Variants in SEZ6 observed in about 807,000 individuals in gnomAD.
SEZ6 encodes seizure related 6 homolog.
Under a neutral mutation model 101.0 loss-of-function variants are expected in SEZ6, and 53 were observed. That is an observed-to-expected ratio of 0.52 (90% CI 0.42 to 0.66). SEZ6 has a LOEUF of 0.66. Ranked by LOEUF, SEZ6 falls within the 30% of genes least tolerant of loss-of-function variation. The probability of loss-of-function intolerance (pLI) is 0.00; values close to 1 mark genes in which losing one functional copy is unlikely to be tolerated. For missense variants in SEZ6, 1,102 were observed against 1,289.4 expected (o/e 0.85, Z 2.23); for synonymous variants, 488 against 512.2 (o/e 0.95, Z 0.64).
At chr17:28,958,652 T>C (rs752744779) in intron 10 of SEZ6, among the ~76,000 whole-genome samples, 11 of 151,802 alleles carry the variant, frequency 7.2e-5, no homozygotes, top group African/African-American at 1.2e-4. Context: ...TAGCCAGGCG[T>C]GGTGGCATGT....
intron 10 of SEZ6, 139 bp from the exon 11 acceptor site, chr17:28,958,280 C>T (rs560280390): frequency 1.1e-4 from 100 of 943,004 alleles, no homozygotes; most frequent in Non-Finnish European, 1.4e-4. Flanking sequence ...TCCATTCCTC[C>T]CTGCTCAAGG....
At chr17:29,001,244 C>T (rs1037620814) in intron 1 of SEZ6, among the ~76,000 whole-genome samples, 2 of 152,228 alleles carry the variant, frequency 1.3e-5, no homozygotes, top group Non-Finnish European at 2.9e-5. Context: ...AACCAAGCAG[C>T]TGACCCTAAA....
rs369316261 is a variant in SEZ6, at chr17:28,969,901, C to T, written c.910G>A (p.Gly304Arg). The T allele has an allele frequency of 3.2e-6, 5 of 1,546,374 alleles. No homozygotes were observed. In the South Asian group the frequency reaches 3.7e-5, roughly 11 times the overall value. ...EGETVTVEGL[G>R]GPDPLPLANQ... The stretch of plus-strand genomic sequence containing the variant: ...GCCAGGGGCAGTGGGTCAGGCCCCC[C>T]CAGGCCTTCCACAGTCACTGTCTCC... The change falls in exon 4 of 17, where the codon GGG (glycine) becomes AGG (arginine). Residue 304 changes from glycine (G) to arginine (R), a missense_variant. Gly to Arg is a moderately radical substitution (Grantham distance 125). Coordinates refer to ENST00000317338, the MANE Select transcript of SEZ6 (RefSeq NM_178860.5).
chr17:29,005,791 C>A lies in SEZ6; in HGVS notation c.55+24G>T, dbSNP rs1472493646. 33 of 1,480,836 alleles carry A rather than the reference C, an allele frequency of 2.2e-5. No homozygotes were observed. Among genetic ancestry groups the A allele is most frequent in the Admixed American group, 4.3e-5 (2 of 46,726 alleles). The allele number at this position is 1,480,836 out of a possible 1,614,324, so 91.7% of individuals were successfully genotyped here. A position where few individuals can be genotyped will look rare whatever the true frequency, so the allele number is the denominator to read the frequency against. Reference sequence around the variant, plus strand: ...GGGCCCCGCTCCCGCCCCCGTCCTGCCGCCGGATGCCGGGGTCCCTTACCG... The same window carrying A: ...GGGCCCCGCTCCCGCCCCCGTCCTGACGCCGGATGCCGGGGTCCCTTACCG... On this transcript the variant is annotated intron_variant, in intron 1 of 16. Transcript: ENST00000317338. The surrounding 1 kb of genome is among the most constrained non-coding windows in gnomAD (Gnocchi z 4.8).
At chr17:28,966,803 G>A (rs951371174) in intron 4 of SEZ6, among the ~76,000 whole-genome samples, 2 of 152,136 alleles carry the variant, frequency 1.3e-5, no homozygotes, top group African/African-American at 4.8e-5. Context: ...GGCAGACCAG[G>A]GTCCAGAAAT....
At chr17:28,971,449 T>A (rs906278713) in intron 3 of SEZ6, among the ~76,000 whole-genome samples, 4 of 151,888 alleles carry the variant, frequency 2.6e-5, no homozygotes, top group Non-Finnish European at 5.9e-5. Flanking sequence ...AAAGATTAGC[T>A]GGGCGTGGTG....
chr17:28,957,024 G>A (rs756774151), intron 13 of SEZ6, 21 bp downstream of exon 13: 7 of 1,557,378 alleles, frequency 4.5e-6, no homozygotes, highest in Non-Finnish European at 6.1e-6. Flanking sequence ...GGAGGGTTTT[G>A]AGGGGTGACA....
intron 4 of SEZ6, among the ~76,000 whole-genome samples, chr17:28,968,945 C>A (rs934634928): frequency 6.6e-6 from 1 of 152,218 alleles, no homozygotes; most frequent in African/African-American, 2.4e-5. Context: ...CCCTTTTCCT[C>A]CCTCTCCCAT....
intron 1 of SEZ6, among the ~76,000 whole-genome samples, chr17:28,994,611 G>A (rs551167541): frequency 8.3e-4 from 127 of 152,140 alleles, no homozygotes; most frequent in Non-Finnish European, 1.3e-3. Flanking sequence ...GGGTTTCACC[G>A]TGTTAGCCAG....
intron 1 of SEZ6, among the ~76,000 whole-genome samples, chr17:29,003,897 C>A (rs957831321): frequency 6.6e-6 from 1 of 152,160 alleles, no homozygotes; most frequent in Non-Finnish European, 1.5e-5. Context: ...GGGACACTGC[C>A]CAGGGACACA....
chr17:28,998,122 A>C (rs2041567695), intron 1 of SEZ6, among the ~76,000 whole-genome samples: 1 of 150,344 alleles, frequency 6.7e-6, no homozygotes, highest in Non-Finnish European at 1.5e-5. Context: ...AGGAGAAGCT[A>C]TGGGGAGGGA....
At chr17:28,986,095 G>A (rs2152690447) in intron 1 of SEZ6, among the ~76,000 whole-genome samples, 1 of 152,362 alleles carries the variant, frequency 6.6e-6, no homozygotes, top group African/African-American at 2.4e-5. Flanking sequence ...GCCGCCGCCT[G>A]GGCCCTCCCC....
chr17:28,972,482 C>T (rs891367656), intron 3 of SEZ6, among the ~76,000 whole-genome samples: 1 of 152,200 alleles, frequency 6.6e-6, no homozygotes, highest in African/African-American at 2.4e-5. Context: ...GGAGAGGTCC[C>T]TACCCCTGCC....
At chr17:28,967,545 A>T (rs1395116608) in intron 4 of SEZ6, among the ~76,000 whole-genome samples, 3 of 152,152 alleles carry the variant, frequency 2.0e-5, no homozygotes, top group African/African-American at 7.2e-5. Context: ...ACCTGGGGAG[A>T]GGTCCCAGTC....
intron 1 of SEZ6, among the ~76,000 whole-genome samples, chr17:29,001,948 C>G (rs2041620428): frequency 6.6e-6 from 1 of 152,194 alleles, no homozygotes; most frequent in Non-Finnish European, 1.5e-5. Context: ...CCATTGAAGG[C>G]TCCAGAGAGT....
intron 1 of SEZ6, among the ~76,000 whole-genome samples, chr17:28,985,214 C>CT (rs1311226032): frequency 1.3e-5 from 2 of 152,252 alleles, no homozygotes; most frequent in Non-Finnish European, 1.5e-5. Flanking sequence ...GTTGAAGAAA[C>CT]TAAGTCCAGG....
intron 11 of SEZ6, 37 bp from the exon 12 acceptor site, chr17:28,957,576 G>C (rs1361200086): frequency 1.3e-6 from 2 of 1,586,298 alleles, no homozygotes; most frequent in Non-Finnish European, 1.7e-6. Flanking sequence ...GTAGCCCAAG[G>C]AGAACTAAGC....
chr17:28,964,952 A>T lies in SEZ6; in HGVS notation c.1055-805T>A, dbSNP rs576960457. Among the ~76,000 whole-genome samples the T allele has an allele frequency of 1.2e-3, 182 of 152,172 alleles. 1 individual carries two copies. The highest frequency in any genetic ancestry group is 5.7e-4 in the Non-Finnish European group (39 of 68,018). On this transcript the variant is annotated intron_variant, in intron 4 of 16. Coordinates refer to ENST00000317338, the MANE Select transcript of SEZ6 (RefSeq NM_178860.5). ...ATGCCTGTAATCCCAGCTACGGGGG[A>T]GGCTGAGGCAGGAGAATCGCTTGAA...
rs58063439 is a variant in SEZ6, at chr17:29,005,078, G to GGTGTGT, written c.55+731_55+736dup. ...GGAGGGAGGCAGAGCTCGGGGCAGT[G>GGTGTGT]GTGTGTGTGTGTGTGTGTGTGTGTG... On this transcript the variant is annotated intron_variant, in intron 1 of 16. Coordinates refer to ENST00000317338, the MANE Select transcript of SEZ6 (RefSeq NM_178860.5). The surrounding 1 kb of genome is among the most constrained non-coding windows in gnomAD (Gnocchi z 4.8). 0.024 allele frequency among the ~76,000 whole-genome samples: 3,272 copies of GGTGTGT among 137,702 alleles called. 81 individuals carry two copies. The highest frequency in any genetic ancestry group is 0.056 in the African/African-American group (2,023 of 36,118). The allele number at this position is 137,702 out of a possible 152,430, so 90.3% of individuals were successfully genotyped here.
Sources: allele counts gnomAD v4.1 joint callset (sites outside exome capture counted in the v4.1 genomes callset), GRCh38; gene constraint gnomAD v4.1.1; non-coding constraint Gnocchi (gnomAD v3.1); transcripts MANE v1.5; gene names NCBI Gene and HGNC (gene_info 2026-07-23, HGNC 2026-07-21).